PPA2: variants seen among roughly 807,000 people sequenced by gnomAD.
PPA2 encodes inorganic pyrophosphatase 2.
Under a neutral mutation model 49.5 loss-of-function variants are expected in PPA2, and 48 were observed. That is an observed-to-expected ratio of 0.97 (90% CI 0.77 to 1.23). The LOEUF is 1.23. PPA2 is among the 50% of genes most tolerant of loss of function. The pLI, the probability that PPA2 is intolerant of heterozygous loss-of-function variation, is 0.00. For synonymous variants in PPA2, 131 were observed against 139.9 expected (o/e 0.94, Z 0.45); for missense variants, 429 against 410.1 (o/e 1.05, Z -0.40).
At chr4:105,454,287 TTGTTTTTGCTGCTGC>T (rs1722786831) in intron 2 of PPA2, among the ~76,000 whole-genome samples, 1 of 138,980 alleles carries the variant, frequency 7.2e-6, no homozygotes, top group African/African-American at 2.9e-5. Context: ...AACATTATTT[TTGTTTTTGCTGCTGC>T]TGTTGTTGTT....
chr4:105,474,009 G>T lies in PPA2; in HGVS notation c.42C>A (p.Ala14=), dbSNP rs759851511. 24 of 1,604,180 alleles carry T rather than the reference G, an allele frequency of 1.5e-5. 1 individual carries two copies. The East Asian group carries it at 4.9e-4, about 33-fold the overall frequency. Residue 14 remains alanine, a synonymous_variant, in exon 1 of 12, where the codon GCC becomes GCA. Transcript: ENST00000341695. Reference sequence around the variant, plus strand: ...TGGTCCCCAACCGCAGGCACGCAGCGGCTGGGGCACCCGTGCGCAGCAGCC... The same window carrying T: ...TGGTCCCCAACCGCAGGCACGCAGCTGCTGGGGCACCCGTGCGCAGCAGCC... ...LLRLLRTGAP[A]AACLRLGTSA...
chr4:105,442,107 T>C (rs1327428920), intron 5 of PPA2, among the ~76,000 whole-genome samples: 1 of 152,000 alleles, frequency 6.6e-6, no homozygotes, highest in African/African-American at 2.4e-5. Flanking sequence ...TGGCCTCAAC[T>C]GATCCTCTTG....
At chr4:105,432,409 A>G (rs1306758285) in intron 6 of PPA2, among the ~76,000 whole-genome samples, 1 of 152,262 alleles carries the variant, frequency 6.6e-6, no homozygotes, top group African/African-American at 2.4e-5. Context: ...ACTTGTTGCA[A>G]TGCAGCTGAT....
chr4:105,401,200 G>T lies in PPA2; in HGVS notation c.656-2036C>A, dbSNP rs993209814. Among the ~76,000 whole-genome samples the T allele has an allele frequency of 2.0e-5, 3 of 152,150 alleles. No individual in the cohort carries two copies. The East Asian group carries it at 5.8e-4, about 29-fold the overall frequency. ...TAAACTTGTTCCTCACGAAATTCCTGAGAGTTAAAAACAAGTATGTTTATA... is the reference window on the plus strand; with the variant it reads ...TAAACTTGTTCCTCACGAAATTCCTTAGAGTTAAAAACAAGTATGTTTATA... On this transcript the variant is annotated intron_variant, in intron 7 of 11. Transcript: ENST00000341695.
chr4:105,421,755 C>T (rs1037580838), intron 7 of PPA2, among the ~76,000 whole-genome samples: 3 of 151,988 alleles, frequency 2.0e-5, no homozygotes, highest in African/African-American at 7.2e-5. Context: ...TTAAAACTAC[C>T]AAACTTGCTG....
chr4:105,421,226 T>C (rs1197017740), intron 7 of PPA2, among the ~76,000 whole-genome samples: 2 of 152,310 alleles, frequency 1.3e-5, no homozygotes, highest in East Asian at 1.9e-4. Context: ...TTTAAGTTCC[T>C]TGTCTTCCAA....
At chr4:105,419,155 T>C (rs1578841199) in intron 7 of PPA2, among the ~76,000 whole-genome samples, 1 of 151,668 alleles carries the variant, frequency 6.6e-6, no homozygotes, top group East Asian at 1.9e-4. Flanking sequence ...TTTTGTTTTG[T>C]TTTGTTTTGT....
chr4:105,371,228 T>A (rs1578787048), intron 10 of PPA2, among the ~76,000 whole-genome samples: 1 of 152,340 alleles, frequency 6.6e-6, no homozygotes, highest in East Asian at 1.9e-4. Flanking sequence ...TTTAAATATA[T>A]GTTTGTTCAT....
At chr4:105,446,336 T>G (rs778643281) in intron 5 of PPA2, 47 bp downstream of exon 5, 29 of 1,523,458 alleles carry the variant, frequency 1.9e-5, no homozygotes, top group Non-Finnish European at 2.6e-5. Context: ...TATAAGGCAA[T>G]TTTTTCAGAA....
In PPA2 at chr4:105,448,106, G is replaced by GA. The variant is rs141363670; in HGVS notation, c.321+1243dup. On this transcript the variant is annotated intron_variant, in intron 4 of 11. Coordinates refer to ENST00000341695, the MANE Select transcript of PPA2 (RefSeq NM_176869.3). ...CTATCTTTAAAACCTATGTATATAG[G>GA]AAACAAAAAAATAAGCCATGTTGAA... 1,999 of 395,702 alleles carry GA rather than the reference G, an allele frequency of 5.1e-3. 30 individuals are homozygous for GA. Among genetic ancestry groups the GA allele is most frequent in the African/African-American group, 0.039 (1,816 of 46,864 alleles). 24.5% of individuals were successfully genotyped at this position (395,702 alleles called of 1,614,324 possible).
chr4:105,370,172 C>A (rs1732965837), intron 11 of PPA2, among the ~76,000 whole-genome samples: 1 of 152,198 alleles, frequency 6.6e-6, no homozygotes. Flanking sequence ...ATACAGTTTG[C>A]TTTCCCATGA....
chr4:105,400,475 CA>C (rs536763161), intron 7 of PPA2, among the ~76,000 whole-genome samples: 3 of 151,696 alleles, frequency 2.0e-5, no homozygotes, highest in South Asian at 2.1e-4. Flanking sequence ...ACTAAAAATA[CA>C]AAAAAAATTA....
At chr4:105,447,046 G>C (rs913644603) in intron 4 of PPA2, among the ~76,000 whole-genome samples, 3 of 152,088 alleles carry the variant, frequency 2.0e-5, no homozygotes, top group Admixed American at 2.0e-4. Flanking sequence ...AGAAAGAAGT[G>C]AAACTGTCAC....
intron 10 of PPA2, among the ~76,000 whole-genome samples, chr4:105,373,569 A>G (rs1038495466): frequency 6.6e-6 from 1 of 152,192 alleles, no homozygotes; most frequent in Non-Finnish European, 1.5e-5. Context: ...GTGTATAAAA[A>G]TAGAATAATT....
At chr4:105,379,694 C>T (rs1315344277) in intron 10 of PPA2, among the ~76,000 whole-genome samples, 6 of 146,038 alleles carry the variant, frequency 4.1e-5, no homozygotes, top group Middle Eastern at 3.8e-3. Flanking sequence ...AGTGCAGTGG[C>T]GCGATCTCGG....
At chr4:105,413,250 A>G (rs1324595591) in intron 7 of PPA2, among the ~76,000 whole-genome samples, 1 of 151,456 alleles carries the variant, frequency 6.6e-6, no homozygotes. Context: ...AACACCACTC[A>G]TAGGTGGGAG....
Position 105,445,948 on chromosome 4 carries a change from T to C in PPA2, c.441+435A>G, listed in dbSNP as rs1578869327. On this transcript the variant is annotated intron_variant, in intron 5 of 11. Transcript: ENST00000341695. Reference sequence around the variant, plus strand: ...ATAAGTTGTGCAATTCAATTTACAATGAGTTCCAGGAAAAAGTTAATAATT... The same window carrying C: ...ATAAGTTGTGCAATTCAATTTACAACGAGTTCCAGGAAAAAGTTAATAATT... Among the ~76,000 whole-genome samples, 3 of 152,172 alleles carry C rather than the reference T, an allele frequency of 2.0e-5. No homozygotes were observed. In the East Asian group the frequency reaches 5.8e-4, roughly 29 times the overall value.
intron 1 of PPA2, among the ~76,000 whole-genome samples, chr4:105,462,338 T>C (rs549357145): frequency 3.3e-5 from 5 of 152,352 alleles, no homozygotes; most frequent in African/African-American, 1.2e-4. Context: ...TTCTTAACAG[T>C]TGAAAACAAG....
chr4:105,418,927 T>C (rs1560622034), intron 7 of PPA2, among the ~76,000 whole-genome samples: 1 of 152,190 alleles, frequency 6.6e-6, no homozygotes, highest in Non-Finnish European at 1.5e-5. Context: ...CGAGAAAAAT[T>C]ACACATGCCC....
Sources: gnomAD v4.1 joint callset for allele counts (sites outside exome capture counted in the v4.1 genomes callset) on GRCh38, gnomAD v4.1.1 for gene constraint, MANE v1.5 for transcripts, NCBI Gene and HGNC (gene_info 2026-07-23, HGNC 2026-07-21) for gene names.